Variants in COA1 observed in about 807,000 individuals in gnomAD.
COA1 encodes cytochrome c oxidase assembly factor 1, also known as cytochrome c oxidase assembly factor 1 homolog.
A neutral mutation model predicts 16.0 loss-of-function variants in COA1; 13 were observed. The observed-to-expected ratio is 0.81, with a 90% CI of 0.53 to 1.29. The LOEUF is 1.29. Ranked by LOEUF, COA1 falls within the 50% of genes most tolerant of loss-of-function variation. COA1 has a pLI of 0.00. For missense variants in COA1, 179 were observed against 177.0 expected (o/e 1.01, Z -0.06); for synonymous variants, 65 against 65.7 (o/e 0.99, Z 0.05).
In COA1 at chr7:43,639,368, G is replaced by T; in HGVS notation, c.*214C>A. 3 of 398,490 alleles carry T rather than the reference G, an allele frequency of 7.5e-6. No individual in the cohort carries two copies. Among genetic ancestry groups the T allele is most frequent in the South Asian group, 5.4e-5 (1 of 18,542 alleles). The allele number at this position is 398,490 out of a possible 1,614,324, so 24.7% of individuals were successfully genotyped here. A position where few individuals can be genotyped will look rare whatever the true frequency, so the allele number is the denominator to read the frequency against. On this transcript the variant is annotated 3_prime_UTR_variant, in exon 6 of 6. Coordinates refer to ENST00000223336, the MANE Select transcript of COA1 (RefSeq NM_018224.4). The stretch of plus-strand genomic sequence containing the variant: ...TAAATTTATAATAGGAGTTTCTTTC[G>T]GATTCAGTTTAAAAATGACAAATAG...
At chr7:43,637,333 C>A (rs17439918), downstream of COA1, among the ~76,000 whole-genome samples, 22,353 of 152,164 alleles carry the variant, frequency 0.15, 2,192 homozygotes, top group Non-Finnish European at 0.22. Context: ...TATAGTAAAG[C>A]ACATAGGAGT....
intron 1 of COA1, chr7:43,656,029 C>T (rs1859877): frequency 0.1 from 15,352 of 152,228 alleles, 980 homozygotes; most frequent in Admixed American, 0.19. Flanking sequence ...CCAGTCATCC[C>T]TACCAAGGCA....
chr7:43,721,935 A>C (rs1463899916), intron 1 of COA1, among the ~76,000 whole-genome samples: 1 of 152,170 alleles, frequency 6.6e-6, no homozygotes, highest in Non-Finnish European at 1.5e-5. Context: ...TTCTAATGTA[A>C]TACTGCATGC....
At chr7:43,687,676 G>A (rs1307531096) in intron 1 of COA1, among the ~76,000 whole-genome samples, 1 of 151,876 alleles carries the variant, frequency 6.6e-6, no homozygotes, top group African/African-American at 2.4e-5. Context: ...TGAGGCAAAA[G>A]ACCTAATCCA....
At chr7:43,654,957 A>T (rs1412957383) in intron 1 of COA1, among the ~76,000 whole-genome samples, 1 of 152,214 alleles carries the variant, frequency 6.6e-6, no homozygotes, top group African/African-American at 2.4e-5. Flanking sequence ...ATAAATTTGG[A>T]ACAAACTCAA....
At chr7:43,700,104 C>T (rs537272511) in intron 1 of COA1, among the ~76,000 whole-genome samples, 1 of 152,174 alleles carries the variant, frequency 6.6e-6, no homozygotes, top group African/African-American at 2.4e-5. Flanking sequence ...ATCCAGGATG[C>T]TCAATGGCTT....
At chr7:43,675,967 C>G (rs1192868681) in intron 1 of COA1, among the ~76,000 whole-genome samples, 2 of 152,102 alleles carry the variant, frequency 1.3e-5, no homozygotes, top group African/African-American at 4.8e-5. Flanking sequence ...AGACCCTTAA[C>G]AGACCCCTAA....
At chr7:43,637,057 TCATGTTGTGCTTTCCACTTG>T (rs1169713028), downstream of COA1, among the ~76,000 whole-genome samples, 2 of 152,344 alleles carry the variant, frequency 1.3e-5, no homozygotes, top group South Asian at 2.1e-4. Flanking sequence ...GGGCCTTTCT[TCATGTTGTGCTTTCCACTTG>T]CATGTTGTGC....
rs1161306168 is a variant in COA1 at position 43,729,412 on chromosome 7, T to C, written c.-39+17A>G. On this transcript the variant is annotated intron_variant, in intron 1 of 5. Coordinates refer to ENST00000223336, the MANE Select transcript of COA1 (RefSeq NM_018224.4). ...GCTGGGGGGAAGACGGAGACTCTTA[T>C]ACCGCGGGAGACTAACCTGTGAGCA... The C allele has an allele frequency of 6.6e-6, 1 of 152,340 alleles. No homozygotes were observed. The highest frequency in any genetic ancestry group is 1.9e-4 in the East Asian group (1 of 5,206). The allele number at this position is 152,340 out of a possible 1,614,324, so 9.4% of individuals were successfully genotyped here. A position where few individuals can be genotyped will look rare whatever the true frequency, so the allele number is the denominator to read the frequency against.
intron 6 of COA1, chr7:43,624,393 T>G: frequency 1.1e-6 from 1 of 893,478 alleles, no homozygotes; most frequent in Non-Finnish European, 1.6e-6. Context: ...TATTCAGGAA[T>G]CACAGTAAGA....
chr7:43,656,262 TA>T (rs1481413144), intron 1 of COA1: 2 of 152,256 alleles, frequency 1.3e-5, no homozygotes, highest in African/African-American at 4.8e-5. Context: ...CAATATCTTC[TA>T]AAAGGATTTT....
intron 4 of COA1, among the ~76,000 whole-genome samples, chr7:43,642,953 A>C (rs1051268735): frequency 6.6e-6 from 1 of 152,244 alleles, no homozygotes; most frequent in Non-Finnish European, 1.5e-5. Flanking sequence ...TTATAAAGAA[A>C]GGACCCTGAC....
intron 1 of COA1, among the ~76,000 whole-genome samples, chr7:43,695,464 C>T (rs2094498245): frequency 6.6e-6 from 1 of 152,028 alleles, no homozygotes; most frequent in Non-Finnish European, 1.5e-5. Context: ...TCTTCTCTCT[C>T]TCTCTATCCA....
At position 43,691,449 on chromosome 7, in the gene COA1, G is replaced by T. The variant is rs181607780; in HGVS notation, c.-39+37980C>A. On this transcript the variant is annotated intron_variant, in intron 1 of 5. Transcript: ENST00000223336. ...AGAAAGAAAGAAAGAAAGAAAGAAA[G>T]AAAGAAAGAAAGAAAGAAAGAAAGA... 4.2e-3 allele frequency among the ~76,000 whole-genome samples: 612 copies of T among 146,828 alleles called. 4 individuals are homozygous for T. The highest frequency in any genetic ancestry group is 0.035 in the Middle Eastern group (10 of 286).
At position 43,633,042 on chromosome 7, in the gene COA1, C is replaced by G. The variant is rs750023738; in HGVS notation, c.*133+6407G>C. ...AACTGAAAGTCACAGCTGCACTAGC[C>G]CCTGACAAGAGTCAGCTTGTCCTTT... On this transcript the variant is annotated intron_variant and NMD_transcript_variant, in intron 6 of 6. Transcript: ENST00000415076. 3 of 152,146 alleles carry G rather than the reference C, an allele frequency of 2.0e-5. No homozygotes were observed. The South Asian group carries it at 6.2e-4, about 32-fold the overall frequency. The allele number at this position is 152,146 out of a possible 1,614,324, so 9.4% of individuals were successfully genotyped here.
chr7:43,678,906 C>CA (rs1343046295), intron 1 of COA1, among the ~76,000 whole-genome samples: 1 of 152,154 alleles, frequency 6.6e-6, no homozygotes, highest in Non-Finnish European at 1.5e-5. Flanking sequence ...GGCAGTTCCT[C>CA]AAAAAATTAA....
At chr7:43,635,019 G>A (rs2085625579), downstream of COA1, among the ~76,000 whole-genome samples, 1 of 152,174 alleles carries the variant, frequency 6.6e-6, no homozygotes, top group Non-Finnish European at 1.5e-5. Flanking sequence ...ACTTAGTGGA[G>A]GAATAGCGAG....
At chr7:43,629,854 T>A (rs752515190) in intron 6 of COA1, among the ~76,000 whole-genome samples, 1 of 152,250 alleles carries the variant, frequency 6.6e-6, no homozygotes, top group South Asian at 2.1e-4. Flanking sequence ...CAAGAACTTT[T>A]ACCTCCGTGG....
chr7:43,618,528 T>G (rs2083557608), intron 6 of COA1, among the ~76,000 whole-genome samples: 1 of 152,178 alleles, frequency 6.6e-6, no homozygotes. Flanking sequence ...TATTTGTAAT[T>G]TACCAGTGTT....
Sources: gnomAD v4.1 joint callset for allele counts (sites outside exome capture counted in the v4.1 genomes callset) on GRCh38, gnomAD v4.1.1 for gene constraint, MANE v1.5 for transcripts, NCBI Gene and HGNC (gene_info 2026-07-23, HGNC 2026-07-21) for gene names.